SNCAIP: variants seen among roughly 807,000 people sequenced by gnomAD.
SNCAIP encodes synuclein alpha interacting protein, also known as synphilin-1.
A neutral mutation model predicts 86.7 loss-of-function variants in SNCAIP; 43 were observed. The observed-to-expected ratio is 0.50, with a 90% CI of 0.39 to 0.64. SNCAIP has a LOEUF of 0.64. Ranked by LOEUF, SNCAIP falls within the 30% of genes least tolerant of loss-of-function variation. The pLI, the probability that SNCAIP is intolerant of heterozygous loss-of-function variation, is 0.00. For missense variants in SNCAIP, 981 were observed against 1,103.1 expected (o/e 0.89, Z 1.57); for synonymous variants, 417 against 427.2 (o/e 0.98, Z 0.29).
chr5:122,421,499 T>C (rs1431238450), intron 3 of SNCAIP, among the ~76,000 whole-genome samples: 1 of 152,220 alleles, frequency 6.6e-6, no homozygotes. Context: ...GAATCAGTCA[T>C]AGCCAGAGGC....
Position 122,339,518 on chromosome 5 carries a change from T to C in SNCAIP, c.-47+27234T>C, listed in dbSNP as rs577686340. ...TTTTAGCCAAAGGGGGAGAGGCAGT[T>C]GGAATTCTGTTTCATTTGGCATATT... On this transcript the variant is annotated intron_variant, in intron 1 of 10. Coordinates refer to ENST00000261368, the MANE Select transcript of SNCAIP (RefSeq NM_005460.4). Among the ~76,000 whole-genome samples the C allele has an allele frequency of 6.8e-4, 103 of 152,314 alleles. 1 individual carries two copies. The highest frequency in any genetic ancestry group is 9.0e-4 in the Non-Finnish European group (61 of 68,028).
intron 6 of SNCAIP, chr5:122,436,942 T>G (rs1277565658): frequency 6.6e-6 from 1 of 152,158 alleles, no homozygotes; most frequent in Non-Finnish European, 1.5e-5. Flanking sequence ...GAGTTTTCAG[T>G]CAGTACATGA....
At chr5:122,354,757 A>C (rs1380833566) in intron 1 of SNCAIP, among the ~76,000 whole-genome samples, 1 of 152,210 alleles carries the variant, frequency 6.6e-6, no homozygotes, top group Admixed American at 6.5e-5. Flanking sequence ...TCCCTTTTAA[A>C]GTAGATCAAC....
chr5:122,403,517 A>G (rs966019448), intron 2 of SNCAIP, among the ~76,000 whole-genome samples: 1 of 152,122 alleles, frequency 6.6e-6, no homozygotes, highest in Non-Finnish European at 1.5e-5. Flanking sequence ...AAGTGATAAG[A>G]GGGAGAGAGT....
intron 1 of SNCAIP, among the ~76,000 whole-genome samples, chr5:122,385,067 C>T (rs961748284): frequency 6.6e-6 from 1 of 152,248 alleles, no homozygotes; most frequent in Non-Finnish European, 1.5e-5. Flanking sequence ...ACACCTCCAT[C>T]CTTCGGCTTT....
chr5:122,431,779 A>G (rs1778453877), intron 5 of SNCAIP, among the ~76,000 whole-genome samples, 190 bp from the exon 6 acceptor site: 1 of 152,272 alleles, frequency 6.6e-6, no homozygotes, highest in East Asian at 1.9e-4. Flanking sequence ...AAAATTCTGC[A>G]ATTGATTTCG....
chr5:122,318,757 A>C (rs1752333053), intron 1 of SNCAIP, among the ~76,000 whole-genome samples: 1 of 152,148 alleles, frequency 6.6e-6, no homozygotes, highest in East Asian at 1.9e-4. Context: ...AGGAGGCTGG[A>C]AAATATCAGT....
chr5:122,357,921 TG>T (rs1761373121), intron 1 of SNCAIP, among the ~76,000 whole-genome samples: 1 of 152,072 alleles, frequency 6.6e-6, no homozygotes, highest in African/African-American at 2.4e-5. Context: ...TATTAAAATA[TG>T]AGTTCCCTGA....
intron 1 of SNCAIP, among the ~76,000 whole-genome samples, chr5:122,382,697 A>T (rs1273438367): frequency 8.6e-5 from 13 of 151,338 alleles, no homozygotes; most frequent in Admixed American, 4.6e-4. Flanking sequence ...GTCTTTGATG[A>T]TGGTGATGTA....
chr5:122,438,766 CT>C (rs1017211278), intron 6 of SNCAIP, among the ~76,000 whole-genome samples: 2 of 152,140 alleles, frequency 1.3e-5, no homozygotes, highest in African/African-American at 4.8e-5. Flanking sequence ...TAAAATAAGG[CT>C]TTTTGAATTG....
rs759088256 is a variant in SNCAIP at position 122,463,569 on chromosome 5, C to G, written c.*73C>G. 1.9e-6 allele frequency: 3 copies of G among 1,573,956 alleles called. No homozygotes were observed. Among genetic ancestry groups the G allele is most frequent in the East Asian group, 4.5e-5 (2 of 44,500 alleles). On this transcript the variant is annotated 3_prime_UTR_variant, in exon 11 of 11. Transcript: ENST00000261368. Reference sequence around the variant, plus strand: ...CTGAGCCAGAGTCAAAAGAACTCTTCTTGTAAATCACTTTTTAAATTTTCT... The same window carrying G: ...CTGAGCCAGAGTCAAAAGAACTCTTGTTGTAAATCACTTTTTAAATTTTCT...
chr5:122,442,084 C>CACTTTCT (rs1219743836), intron 7 of SNCAIP, among the ~76,000 whole-genome samples: 1 of 145,054 alleles, frequency 6.9e-6, no homozygotes, highest in Non-Finnish European at 1.5e-5. Context: ...ACATGTAATA[C>CACTTTCT]ACTTTCTACC....
In SNCAIP at chr5:122,451,853, C is replaced by T. The variant is rs114566154; in HGVS notation, c.2754+252C>T. 2.1e-3 allele frequency: 934 copies of T among 449,708 alleles called. 5 individuals carry two copies. The highest frequency in any genetic ancestry group is 0.017 in the African/African-American group (867 of 50,774). 27.9% of individuals were successfully genotyped at this position (449,708 alleles called of 1,614,324 possible). A position where few individuals can be genotyped will look rare whatever the true frequency, so the allele number is the denominator to read the frequency against. ...AAAAATAAGAGATTATATTCTGGTC[C>T]ATAAATTTCCCTAAATGGCCTAATC... On this transcript the variant is annotated intron_variant, in intron 10 of 10. Transcript: ENST00000261368.
chr5:122,353,826 G>A (rs1343478285), intron 1 of SNCAIP, among the ~76,000 whole-genome samples: 1 of 152,088 alleles, frequency 6.6e-6, no homozygotes, highest in African/African-American at 2.4e-5. Flanking sequence ...TCAGCAGCGT[G>A]AAAATGGACT....
intron 1 of SNCAIP, among the ~76,000 whole-genome samples, chr5:122,329,343 A>G (rs185883067): frequency 6.6e-6 from 1 of 152,272 alleles, no homozygotes; most frequent in African/African-American, 2.4e-5. Flanking sequence ...ACAAATGAGA[A>G]TTAAAAAGAG....
At chr5:122,452,021 C>A (rs1783801243) in intron 10 of SNCAIP, among the ~76,000 whole-genome samples, 1 of 152,112 alleles carries the variant, frequency 6.6e-6, no homozygotes, top group South Asian at 2.1e-4. Flanking sequence ...TATTCTCAGG[C>A]CCAATTAAAA....
chr5:122,438,409 C>T (rs1298817648), intron 6 of SNCAIP, among the ~76,000 whole-genome samples: 1 of 152,130 alleles, frequency 6.6e-6, no homozygotes, highest in East Asian at 1.9e-4. Flanking sequence ...GTGTCCTGTC[C>T]AGGGATGGTT....
In SNCAIP at chr5:122,423,286, C is replaced by T; in HGVS notation, c.549C>T (p.Thr183=). The change falls in exon 4 of 11, where the codon ACC becomes ACT. Residue 183 remains threonine (T), a synonymous_variant. Transcript: ENST00000261368. ...SEKRILGLCT[T]INGLSGKACS... ...AAAGAATTTTGGGCTTATGCACAAC[C>T]ATCAATGGCCTTTCTGGCAAAGCCT... is the stretch of plus-strand genomic sequence containing the variant. 1 of 1,614,166 alleles carries T rather than the reference C, an allele frequency of 6.2e-7. No individual in the cohort carries two copies. Among genetic ancestry groups the T allele is most frequent in the Non-Finnish European group, 8.5e-7 (1 of 1,179,994 alleles).
chr5:122,450,934 C>T lies in SNCAIP; in HGVS notation c.2087C>T (p.Ala696Val), dbSNP rs865824062. The T allele has an allele frequency of 1.2e-6, 2 of 1,614,120 alleles. No individual in the cohort carries two copies. Among genetic ancestry groups the T allele is most frequent in the African/African-American group, 1.3e-5 (1 of 75,030 alleles). ...CCCAAGACTACCCCAGTGAGGAAGG[C>T]TGACCGACCAAGGCCGCAGCCCATT... ...EDPKTTPVRKADRPRPQPIVE... is the reference protein window; with the variant it reads ...EDPKTTPVRKVDRPRPQPIVE... Residue 696 changes from alanine (A) to valine (V), a missense_variant, in exon 10 of 11, where the codon GCT (alanine) becomes GTT (valine). Physicochemically the swap from Ala to Val is moderately conservative, Grantham distance 64 (BLOSUM62 0). Coordinates refer to ENST00000261368, the MANE Select transcript of SNCAIP (RefSeq NM_005460.4).
Sources: gnomAD v4.1 joint callset for allele counts (sites outside exome capture counted in the v4.1 genomes callset) on GRCh38, gnomAD v4.1.1 for gene constraint, MANE v1.5 for transcripts, NCBI Gene and HGNC (gene_info 2026-07-23, HGNC 2026-07-21) for gene names.